Variants in BCKDHB observed in about 807,000 individuals in gnomAD.
The protein encoded by BCKDHB is branched chain keto acid dehydrogenase E1 subunit beta.
Under a neutral mutation model 48.5 loss-of-function variants are expected in BCKDHB, and 41 were observed. The ratio of observed to expected loss-of-function variants is 0.85; its 90% CI spans 0.66 to 1.10. BCKDHB has a LOEUF of 1.10. Ranked by LOEUF, BCKDHB falls within the 50% of genes least tolerant of loss-of-function variation. The probability of loss-of-function intolerance (pLI) is 0.00; values close to 1 mark genes in which losing one functional copy is unlikely to be tolerated. For synonymous variants in BCKDHB, 201 were observed against 174.8 expected, an observed-to-expected ratio of 1.15 and a Z score of -1.18; for missense variants, 496 against 494.2, an observed-to-expected ratio of 1.00 and a Z score of -0.03.
the BCKDHB span, among the ~76,000 whole-genome samples, chr6:80,381,591 C>T: frequency 5.3e-5 from 8 of 151,834 alleles, no homozygotes; most frequent in Admixed American, 1.3e-4. Context: ...ATTGAGATGT[C>T]GTGTGTCATT....
the BCKDHB span, among the ~76,000 whole-genome samples, chr6:80,371,288 T>C: frequency 0.01 from 1,544 of 152,194 alleles, 26 homozygotes; most frequent in African/African-American, 0.034. Flanking sequence ...TGTATATCTT[T>C]TTTTGAGAAC....
At chr6:80,285,199 T>C (rs1484624764) in intron 9 of BCKDHB, among the ~76,000 whole-genome samples, 1 of 152,104 alleles carries the variant, frequency 6.6e-6, no homozygotes, top group African/African-American at 2.4e-5. Context: ...ACAACTTGAG[T>C]GTATTTTGTG....
chr6:80,289,412 G>A (rs1196785980), intron 9 of BCKDHB, among the ~76,000 whole-genome samples: 1 of 152,122 alleles, frequency 6.6e-6, no homozygotes, highest in Non-Finnish European at 1.5e-5. Context: ...GAGACATAAG[G>A]TTAAGATGGC....
chr6:80,411,600 T>A, the BCKDHB span, among the ~76,000 whole-genome samples: 1 of 152,246 alleles, frequency 6.6e-6, no homozygotes, highest in Non-Finnish European at 1.5e-5. Flanking sequence ...TAGGCCTTGC[T>A]GAGATGTGTT....
At chr6:80,456,485 C>T in the BCKDHB span, among the ~76,000 whole-genome samples, 1 of 152,114 alleles carries the variant, frequency 6.6e-6, no homozygotes, top group Admixed American at 6.6e-5. Flanking sequence ...ACTTAATCCC[C>T]GGTAAAAGTT....
intron 4 of BCKDHB, among the ~76,000 whole-genome samples, chr6:80,168,619 G>A (rs1374171759): frequency 1.5e-5 from 2 of 132,446 alleles, no homozygotes; most frequent in Non-Finnish European, 3.2e-5. Flanking sequence ...GAAGGAAGGA[G>A]GGAGGGAGGG....
At chr6:80,390,574 T>C in the BCKDHB span, among the ~76,000 whole-genome samples, 4 of 152,230 alleles carry the variant, frequency 2.6e-5, no homozygotes, top group Non-Finnish European at 5.9e-5. Context: ...TTTATTTACT[T>C]CATTTCAGCA....
the BCKDHB span, among the ~76,000 whole-genome samples, chr6:80,425,549 G>A: frequency 3.3e-5 from 5 of 152,096 alleles, no homozygotes; most frequent in African/African-American, 4.8e-5. Context: ...AGTATTTAAC[G>A]GAAAGATCTA....
At chr6:80,219,044 T>C (rs1225601597) in intron 8 of BCKDHB, among the ~76,000 whole-genome samples, 1 of 152,310 alleles carries the variant, frequency 6.6e-6, no homozygotes, top group East Asian at 1.9e-4. Flanking sequence ...CTGTTCAATG[T>C]CTTGCCACAT....
At chr6:80,299,655 C>A (rs1355908844) in intron 9 of BCKDHB, among the ~76,000 whole-genome samples, 1 of 152,176 alleles carries the variant, frequency 6.6e-6, no homozygotes, top group African/African-American at 2.4e-5. Context: ...CTCAGACAAG[C>A]AATTGTTGAG....
chr6:80,175,597 T>C (rs986432071), intron 6 of BCKDHB, among the ~76,000 whole-genome samples: 3 of 152,210 alleles, frequency 2.0e-5, no homozygotes, highest in Non-Finnish European at 4.4e-5. Context: ...GTCATTGCAG[T>C]GCCCTTTAAA....
intron 9 of BCKDHB, among the ~76,000 whole-genome samples, chr6:80,327,175 C>T (rs1165606144): frequency 2.6e-5 from 4 of 152,144 alleles, no homozygotes; most frequent in Non-Finnish European, 5.9e-5. Flanking sequence ...TTGAAAGTAT[C>T]GTAGGTCAAA....
intron 9 of BCKDHB, among the ~76,000 whole-genome samples, chr6:80,337,429 C>G (rs1450533810): frequency 6.6e-6 from 1 of 152,016 alleles, no homozygotes; most frequent in East Asian, 1.9e-4. Context: ...AGCAGAATAT[C>G]TGCTGTTTTA....
chr6:80,414,715 T>G, the BCKDHB span, among the ~76,000 whole-genome samples: 1 of 152,192 alleles, frequency 6.6e-6, no homozygotes, highest in Non-Finnish European at 1.5e-5. Context: ...TTCTTTTTGA[T>G]TAGGATTGAC....
chr6:80,405,950 A>G, the BCKDHB span, among the ~76,000 whole-genome samples: 1 of 152,022 alleles, frequency 6.6e-6, no homozygotes, highest in African/African-American at 2.4e-5. Context: ...TACATTAGGT[A>G]TTTCTCCTAA....
At chr6:80,367,566 C>T in the BCKDHB span, among the ~76,000 whole-genome samples, 1 of 152,146 alleles carries the variant, frequency 6.6e-6, no homozygotes, top group Non-Finnish European at 1.5e-5. Flanking sequence ...AAGTGCTTGA[C>T]TAACACAAGT....
At chr6:80,303,767 G>A (rs781356982) in intron 9 of BCKDHB, among the ~76,000 whole-genome samples, 12 of 151,930 alleles carry the variant, frequency 7.9e-5, no homozygotes, top group Non-Finnish European at 1.6e-4. Context: ...AATTTACAAA[G>A]CATCACTTTA....
chr6:80,118,511 T>C (rs1339775914), intron 1 of BCKDHB, among the ~76,000 whole-genome samples: 1 of 151,886 alleles, frequency 6.6e-6, no homozygotes, highest in East Asian at 1.9e-4. Context: ...GTGGTGGCTG[T>C]GGCAACTTCA....
At chr6:80,267,265 A>T (rs573105241) in intron 8 of BCKDHB, among the ~76,000 whole-genome samples, 5 of 152,148 alleles carry the variant, frequency 3.3e-5, no homozygotes, top group African/African-American at 1.2e-4. Context: ...GTTGAAGCAG[A>T]GTGTGCTGCC....
Sources: allele counts gnomAD v4.1 joint callset (sites outside exome capture counted in the v4.1 genomes callset), GRCh38; gene constraint gnomAD v4.1.1; transcripts MANE v1.5; gene names NCBI Gene and HGNC (gene_info 2026-07-23, HGNC 2026-07-21).